EMP2: variants seen among roughly 807,000 people sequenced by gnomAD.
EMP2 encodes epithelial membrane protein 2.
Under a neutral mutation model 13.7 loss-of-function variants are expected in EMP2, and 19 were observed. The observed-to-expected ratio is 1.38, with a 90% CI of 0.97 to 2.03. EMP2 has a LOEUF of 2.03. EMP2 is among the 30% of genes most tolerant of loss of function. EMP2 has a pLI of 0.00. For missense variants in EMP2, 253 were observed against 220.7 expected (o/e 1.15, Z -0.93); for synonymous variants, 97 against 84.7 (o/e 1.15, Z -0.80).
chr16:10,548,205 G>C (rs1043047469), intron 1 of EMP2, among the ~76,000 whole-genome samples: 6 of 152,152 alleles, frequency 3.9e-5, no homozygotes, highest in African/African-American at 4.8e-5. Flanking sequence ...GGACCCATTA[G>C]AATCCCTAAT....
At chr16:10,536,774 C>T (rs1226925681) in intron 4 of EMP2, among the ~76,000 whole-genome samples, 1 of 152,168 alleles carries the variant, frequency 6.6e-6, no homozygotes, top group Admixed American at 6.6e-5. Context: ...GTGTGCTCTG[C>T]CATGCTTGGC....
intron 1 of EMP2, among the ~76,000 whole-genome samples, chr16:10,560,395 G>A (rs562936487): frequency 1.2e-4 from 19 of 152,336 alleles, no homozygotes; most frequent in African/African-American, 4.1e-4. Flanking sequence ...GGACAGGCAA[G>A]GACTGTGATC....
chr16:10,534,935 C>T (rs539514943), intron 4 of EMP2, among the ~76,000 whole-genome samples: 21 of 152,188 alleles, frequency 1.4e-4, no homozygotes, highest in Non-Finnish European at 2.5e-4. Context: ...GGGCCAAGCG[C>T]GTAGACAATC....
chr16:10,569,148 C>T (rs2050930165), intron 1 of EMP2, among the ~76,000 whole-genome samples: 1 of 152,094 alleles, frequency 6.6e-6, no homozygotes, highest in Admixed American at 6.5e-5. Flanking sequence ...CATTCGAAGC[C>T]TGCACTCATG....
chr16:10,564,071 G>A (rs1039943901), intron 1 of EMP2, among the ~76,000 whole-genome samples: 1 of 152,254 alleles, frequency 6.6e-6, no homozygotes, highest in African/African-American at 2.4e-5. Flanking sequence ...ATGCCTGGAG[G>A]TAGTTCACCA....
At chr16:10,554,425 T>C (rs2050812225) in intron 1 of EMP2, among the ~76,000 whole-genome samples, 1 of 152,074 alleles carries the variant, frequency 6.6e-6, no homozygotes, top group Non-Finnish European at 1.5e-5. Flanking sequence ...CCCCAAGAAA[T>C]ATAATTCTGG....
At position 10,535,043 on chromosome 16, in the gene EMP2, A is replaced by G. The variant is rs187711642; in HGVS notation, c.317-1951T>C. On this transcript the variant is annotated intron_variant, in intron 4 of 4. Coordinates refer to ENST00000359543, the MANE Select transcript of EMP2 (RefSeq NM_001424.6). Reference sequence around the variant, plus strand: ...CAGCACCTCCCTGGAGCCGCTGCCTATCAGTTGCTGGTGCCTGGATCTTCT... The same window carrying G: ...CAGCACCTCCCTGGAGCCGCTGCCTGTCAGTTGCTGGTGCCTGGATCTTCT... 3.7e-4 allele frequency among the ~76,000 whole-genome samples: 57 copies of G among 152,284 alleles called. 1 individual carries two copies. The highest frequency in any genetic ancestry group is 3.1e-3 in the Admixed American group (47 of 15,296).
chr16:10,543,526 C>A (rs745875818), intron 3 of EMP2, 44 bp downstream of exon 3: 1 of 1,602,516 alleles, frequency 6.2e-7, no homozygotes, highest in South Asian at 1.1e-5. Context: ...ACCGTTCCTT[C>A]CTCCCTCAGT....
At chr16:10,544,713 T>A (rs1200340019) in intron 2 of EMP2, 1 of 152,582 alleles carries the variant, frequency 6.6e-6, no homozygotes, top group Non-Finnish European at 1.5e-5. Flanking sequence ...GGGCAACCCA[T>A]CTCTACAAAA....
intron 1 of EMP2, among the ~76,000 whole-genome samples, chr16:10,563,061 G>C (rs1369877466): frequency 1.3e-5 from 2 of 152,168 alleles, no homozygotes; most frequent in Non-Finnish European, 1.5e-5. Flanking sequence ...CAAATGCAGG[G>C]TGTTCCCCAG....
At chr16:10,544,741 C>T (rs1454623808) in intron 2 of EMP2, 1 of 152,338 alleles carries the variant, frequency 6.6e-6, no homozygotes. Context: ...AAAAATTAGT[C>T]AGGCATGGTG....
At chr16:10,578,456 C>T (rs2050999693) in intron 1 of EMP2, among the ~76,000 whole-genome samples, 1 of 152,164 alleles carries the variant, frequency 6.6e-6, no homozygotes, top group Admixed American at 6.5e-5. Flanking sequence ...GGATGTGCTC[C>T]ATAGCCACAA....
At chr16:10,553,228 G>A (rs553286170) in intron 1 of EMP2, among the ~76,000 whole-genome samples, 2 of 152,250 alleles carry the variant, frequency 1.3e-5, no homozygotes, top group East Asian at 3.9e-4. Flanking sequence ...CACTATTCCC[G>A]ACGCCAGTCA....
chr16:10,540,078 G>T (rs1033480770), intron 3 of EMP2, among the ~76,000 whole-genome samples: 6 of 152,208 alleles, frequency 3.9e-5, no homozygotes, highest in Non-Finnish European at 8.8e-5. Context: ...CTAGAACAGG[G>T]TTTCTCAAAG....
intron 4 of EMP2, among the ~76,000 whole-genome samples, chr16:10,535,471 A>T (rs2050639684): frequency 6.6e-6 from 1 of 152,156 alleles, no homozygotes; most frequent in Admixed American, 6.5e-5. Flanking sequence ...GCGGTGGCTC[A>T]TGCTCGGAAT....
intron 1 of EMP2, 80 bp from the exon 2 acceptor site, chr16:10,547,757 T>C (rs1483427871): frequency 2.8e-5 from 22 of 787,138 alleles, no homozygotes; most frequent in Middle Eastern, 3.9e-4. Context: ...ACCTTTTAGC[T>C]GGGCGTGGTG....
At chr16:10,540,089 C>T (rs1191814631) in intron 3 of EMP2, among the ~76,000 whole-genome samples, 8 of 152,194 alleles carry the variant, frequency 5.3e-5, no homozygotes, top group Admixed American at 5.2e-4. Flanking sequence ...TTTCTCAAAG[C>T]TGGGAGGGGG....
chr16:10,544,877 C>T, intron 2 of EMP2: 1 of 152,090 alleles, frequency 6.6e-6, no homozygotes, highest in East Asian at 1.9e-4. Flanking sequence ...AGAGAGAGAC[C>T]CTGTCACAAA....
chr16:10,567,721 G>A (rs973384018), intron 1 of EMP2, among the ~76,000 whole-genome samples: 10 of 152,168 alleles, frequency 6.6e-5, no homozygotes, highest in Non-Finnish European at 1.0e-4. Flanking sequence ...GACTGCCAGG[G>A]CCGTAACACC....
Sources: gnomAD v4.1 joint callset for allele counts (sites outside exome capture counted in the v4.1 genomes callset) on GRCh38, gnomAD v4.1.1 for gene constraint, MANE v1.5 for transcripts, NCBI Gene and HGNC (gene_info 2026-07-23, HGNC 2026-07-21) for gene names.